Variants in CDNF observed in about 807,000 individuals in gnomAD.
The protein encoded by CDNF is cerebral dopamine neurotrophic factor, also known as ARMET-like protein 1.
A neutral mutation model predicts 14.8 loss-of-function variants in CDNF; 9 were observed. The observed-to-expected ratio is 0.61, with a 90% CI of 0.37 to 1.06. CDNF has a LOEUF of 1.06. CDNF is among the 50% of genes least tolerant of loss of function. The pLI is 0.01. For missense variants in CDNF, 228 were observed against 228.4 expected, an observed-to-expected ratio of 1.00 and a Z score of 0.01; for synonymous variants, 86 against 87.2, an observed-to-expected ratio of 0.99 and a Z score of 0.07.
Position 14,837,952 on chromosome 10 carries a change from G to C in CDNF, c.-6C>G. 1.3e-6 allele frequency: 2 copies of C among 1,582,052 alleles called. No individual in the cohort carries two copies. The highest frequency in any genetic ancestry group is 1.7e-6 in the Non-Finnish European group (2 of 1,165,516). On this transcript the variant is annotated 5_prime_UTR_variant, in exon 1 of 4. Transcript: ENST00000465530. ...ACTGGGCTCGCGCACCACATGCTGG[G>C]CCAGCAGCTTCAATCGCCTCCGCCA...
At chr10:14,828,298 G>C in intron 1 of CDNF, 26 bp from the exon 2 acceptor site, 1 of 1,610,718 alleles carries the variant, frequency 6.2e-7, no homozygotes, top group South Asian at 1.1e-5. Flanking sequence ...AAATATGTCT[G>C]CATGCACAAC....
intron 3 of CDNF, among the ~76,000 whole-genome samples, chr10:14,823,385 T>G (rs549199431): frequency 9.9e-5 from 15 of 152,226 alleles, no homozygotes; most frequent in East Asian, 7.7e-4. Context: ...TAGGTAGTCA[T>G]TTCGTCTCAA....
At chr10:14,836,818 C>T (rs973048715) in intron 1 of CDNF, among the ~76,000 whole-genome samples, 6 of 152,130 alleles carry the variant, frequency 3.9e-5, no homozygotes, top group Non-Finnish European at 8.8e-5. Flanking sequence ...TTAGTACCAG[C>T]TACTTGGGAG....
At chr10:14,832,852 C>CTTTTTTTTTTTG (rs1833855051) in intron 1 of CDNF, among the ~76,000 whole-genome samples, 1 of 80,494 alleles carries the variant, frequency 1.2e-5, no homozygotes, top group Non-Finnish European at 2.3e-5. Flanking sequence ...TCTTTTTTTG[C>CTTTTTTTTTTTG]TTTTTTTTTT....
chr10:14,826,095 A>AAGCAGC (rs71505046), intron 2 of CDNF, among the ~76,000 whole-genome samples: 90 of 87,580 alleles, frequency 1.0e-3, no homozygotes, highest in South Asian at 3.7e-3. Flanking sequence ...GAAGAAGAAG[A>AAGCAGC]AGCAGCAGCA....
chr10:14,823,940 G>A (rs75647641), intron 3 of CDNF, among the ~76,000 whole-genome samples: 14 of 152,330 alleles, frequency 9.2e-5, no homozygotes, highest in Admixed American at 4.6e-4. Flanking sequence ...GTTAGGGCTT[G>A]TGCTTTGCAA....
At chr10:14,825,364 G>A in intron 3 of CDNF, 115 bp downstream of exon 3, 1 of 1,019,022 alleles carries the variant, frequency 9.8e-7, no homozygotes, top group Non-Finnish European at 1.4e-6. Context: ...GCAACTTATT[G>A]ATGAGTGGTG....
chr10:14,834,185 A>G (rs1410520734), intron 1 of CDNF: 1 of 152,064 alleles, frequency 6.6e-6, no homozygotes, highest in Non-Finnish European at 1.5e-5. Flanking sequence ...TATTAAAAAT[A>G]CAAAAAATTT....
chr10:14,826,269 C>A (rs532353978), intron 2 of CDNF, among the ~76,000 whole-genome samples: 1 of 146,740 alleles, frequency 6.8e-6, no homozygotes, highest in Non-Finnish European at 1.5e-5. Context: ...GTAGAAGAAG[C>A]AGCAGAAGAA....
rs61746971 is a variant in CDNF, at chr10:14,820,043, A to T, written c.501T>A (p.Tyr167Ter). ...GGGCCAGCTCTTGAATGAGATTCAC[A>T]TAGTCAGTTTTTTCTGCACAGGCCC... ...ECRACAEKTDYVNLIQELAPK... is the reference protein window; with the variant it reads ...ECRACAEKTD Residue 167 changes from tyrosine (Y) to a stop codon, truncating the protein, a stop_gained, in exon 4 of 4, where the codon TAT becomes TAA. Coordinates refer to ENST00000465530, the MANE Select transcript of CDNF (RefSeq NM_001029954.3). LOFTEE classifies it low-confidence loss of function (END_TRUNC). The T allele has an allele frequency of 6.2e-7, 1 of 1,614,062 alleles. No homozygotes were observed. Among genetic ancestry groups the T allele is most frequent in the African/African-American group, 1.3e-5 (1 of 74,994 alleles).
intron 1 of CDNF, among the ~76,000 whole-genome samples, chr10:14,835,652 T>C (rs908780369): frequency 7.9e-5 from 12 of 152,208 alleles, no homozygotes; most frequent in African/African-American, 2.9e-4. Flanking sequence ...GATAGTTTTA[T>C]AAGTGAATCT....
At chr10:14,825,238 G>A (rs187444051) in intron 3 of CDNF, among the ~76,000 whole-genome samples, 1 of 152,158 alleles carries the variant, frequency 6.6e-6, no homozygotes, top group South Asian at 2.1e-4. Context: ...TGAAAGGCCT[G>A]AGCCACCGCG....
At chr10:14,825,421 C>A in intron 3 of CDNF, 58 bp downstream of exon 3, 1 of 1,544,210 alleles carries the variant, frequency 6.5e-7, no homozygotes, top group Non-Finnish European at 8.8e-7. Flanking sequence ...ATGGCCCCAA[C>A]TTTAGAGGTT....
chr10:14,828,293 T>A, intron 1 of CDNF, 21 bp from the exon 2 acceptor site: 1 of 1,612,102 alleles, frequency 6.2e-7, no homozygotes, highest in Non-Finnish European at 8.5e-7. Context: ...CAAATAAATA[T>A]GTCTGCATGC....
chr10:14,836,927 CAAAACA>C (rs1381417387), intron 1 of CDNF, among the ~76,000 whole-genome samples: 3 of 152,014 alleles, frequency 2.0e-5, no homozygotes, highest in African/African-American at 4.8e-5. Flanking sequence ...GAGACTGTCT[CAAAACA>C]AAAACAAAAA....
chr10:14,821,959 A>T (rs1372269064), intron 3 of CDNF, among the ~76,000 whole-genome samples: 1 of 152,260 alleles, frequency 6.6e-6, no homozygotes, highest in Non-Finnish European at 1.5e-5. Context: ...AAATGAGCAC[A>T]TACACATGAC....
chr10:14,837,110 G>A (rs1373088784), intron 1 of CDNF, among the ~76,000 whole-genome samples: 1 of 152,202 alleles, frequency 6.6e-6, no homozygotes, highest in East Asian at 1.9e-4. Context: ...AACATGGAGT[G>A]AGCGCTACAG....
In CDNF at chr10:14,828,193, T is replaced by G; in HGVS notation, c.195A>C (p.Lys65Asn). 6.2e-7 allele frequency: 1 copy of G among 1,613,958 alleles called. No homozygotes were observed. The highest frequency in any genetic ancestry group is 8.5e-7 in the Non-Finnish European group (1 of 1,179,804). ...GVNFSLDTIE[K>N]ELISFCLDTK... ...TGTCCAAGCAAAAACTGATCAATTCTTTCTCTATAGTGTCCAGCGAAAAGT... is the reference window on the plus strand; with the variant it reads ...TGTCCAAGCAAAAACTGATCAATTCGTTCTCTATAGTGTCCAGCGAAAAGT... The change falls in exon 2 of 4, where the codon AAA (lysine) becomes AAC (asparagine). Residue 65 changes from lysine (K) to asparagine (N), a missense_variant. Coordinates refer to ENST00000465530, the MANE Select transcript of CDNF (RefSeq NM_001029954.3).
rs901253628 is a variant in CDNF, at chr10:14,828,337, C to T, written c.116-65G>A. 10 of 1,510,324 alleles carry T rather than the reference C, an allele frequency of 6.6e-6. No homozygotes were observed. In the Admixed American group the frequency reaches 9.0e-5, roughly 14 times the overall value. 93.6% of individuals were successfully genotyped at this position (1,510,324 alleles called of 1,614,324 possible). ...ACCACTACCACACCTATGCATATGA[C>T]CCACTAACCACATTTAAAAGTCTAT... On this transcript the variant is annotated intron_variant, in intron 1 of 3. Transcript: ENST00000465530.
Sources: gnomAD v4.1 joint callset for allele counts (sites outside exome capture counted in the v4.1 genomes callset) on GRCh38, gnomAD v4.1.1 for gene constraint, MANE v1.5 for transcripts, NCBI Gene and HGNC (gene_info 2026-07-23, HGNC 2026-07-21) for gene names.